NRG3: variants seen among roughly 807,000 people sequenced by gnomAD.
The protein encoded by NRG3 is neuregulin 3.
Under a neutral mutation model 66.9 loss-of-function variants are expected in NRG3, and 31 were observed. The observed-to-expected ratio is 0.46, with a 90% CI of 0.35 to 0.63. NRG3 has a LOEUF of 0.63. Ranked by LOEUF, NRG3 falls within the 20% of genes least tolerant of loss-of-function variation. NRG3 has a pLI of 0.00. For synonymous variants in NRG3, 393 were observed against 359.4 expected, an observed-to-expected ratio of 1.09 and a Z score of -1.06; for missense variants, 910 against 878.9, an observed-to-expected ratio of 1.04 and a Z score of -0.45.
chr10:81,951,105 G>A (rs1218588713), intron 1 of NRG3, among the ~76,000 whole-genome samples: 11 of 152,138 alleles, frequency 7.2e-5, no homozygotes, highest in Non-Finnish European at 1.3e-4. Context: ...TTCATTTGCA[G>A]CCAGTCATGT....
chr10:82,512,110 T>C (rs189592398), intron 2 of NRG3, among the ~76,000 whole-genome samples: 5 of 152,096 alleles, frequency 3.3e-5, no homozygotes, highest in Admixed American at 2.6e-4. Context: ...GTTGCTGATA[T>C]GTGCATGCAA....
chr10:82,761,992 C>G (rs1223623394), intron 3 of NRG3, among the ~76,000 whole-genome samples: 1 of 85,694 alleles, frequency 1.2e-5, no homozygotes, highest in Non-Finnish European at 2.4e-5. Flanking sequence ...TTTCTTCTTT[C>G]TTTTCCTTTC....
At chr10:82,051,478 G>C (rs2063589680) in intron 1 of NRG3, among the ~76,000 whole-genome samples, 1 of 152,106 alleles carries the variant, frequency 6.6e-6, no homozygotes, top group African/African-American at 2.4e-5. Flanking sequence ...CCGAAGTTTG[G>C]ATCCCAGCAC....
intron 1 of NRG3, among the ~76,000 whole-genome samples, chr10:82,278,769 G>T (rs551047966): frequency 6.6e-6 from 1 of 152,060 alleles, no homozygotes; most frequent in Admixed American, 6.6e-5. Context: ...TCTATACATG[G>T]CCTGGAAATT....
At chr10:82,700,420 C>T (rs1417103725) in intron 2 of NRG3, among the ~76,000 whole-genome samples, 2 of 152,102 alleles carry the variant, frequency 1.3e-5, no homozygotes, top group Admixed American at 1.3e-4. Flanking sequence ...AGGGATGTCT[C>T]CAATAGTTGG....
chr10:82,041,768 C>A (rs1401521628), intron 1 of NRG3, among the ~76,000 whole-genome samples: 1 of 151,496 alleles, frequency 6.6e-6, no homozygotes, highest in African/African-American at 2.4e-5. Flanking sequence ...TTCTTTCCTT[C>A]TTTTCTTCCT....
intron 2 of NRG3, among the ~76,000 whole-genome samples, chr10:82,648,810 C>G (rs2051170915): frequency 6.6e-6 from 1 of 152,106 alleles, no homozygotes; most frequent in Non-Finnish European, 1.5e-5. Flanking sequence ...CTCTGTTTGT[C>G]TGTTACTGGT....
At chr10:82,884,825 G>C (rs1387536160) in intron 4 of NRG3, among the ~76,000 whole-genome samples, 1 of 152,264 alleles carries the variant, frequency 6.6e-6, no homozygotes, top group African/African-American at 2.4e-5. Flanking sequence ...TGTTCTTGCT[G>C]TTGCCACTGG....
intron 1 of NRG3, among the ~76,000 whole-genome samples, chr10:81,977,184 G>C (rs555076364): frequency 6.6e-6 from 1 of 152,210 alleles, no homozygotes; most frequent in Non-Finnish European, 1.5e-5. Flanking sequence ...GATTGAATGA[G>C]GTATTGCCTC....
At chr10:82,284,055 A>T (rs915550699) in intron 1 of NRG3, among the ~76,000 whole-genome samples, 1 of 152,222 alleles carries the variant, frequency 6.6e-6, no homozygotes, top group Non-Finnish European at 1.5e-5. Flanking sequence ...TTGTTCCAAT[A>T]CAGACTGCAA....
chr10:82,713,119 CAAAAAAAAAAA>C (rs369968319), intron 2 of NRG3, among the ~76,000 whole-genome samples: 34 of 55,370 alleles, frequency 6.1e-4, no homozygotes, highest in African/African-American at 1.9e-3. Flanking sequence ...GACTTCATCT[CAAAAAAAAAAA>C]AAAAAAAAAA....
chr10:82,479,463 C>A (rs1310975446), intron 2 of NRG3, among the ~76,000 whole-genome samples: 3 of 145,684 alleles, frequency 2.1e-5, no homozygotes, highest in Admixed American at 6.9e-5. Flanking sequence ...CCTTGGGAGA[C>A]AGAGGTGGGC....
At chr10:82,265,881 G>A (rs1025692152) in intron 1 of NRG3, among the ~76,000 whole-genome samples, 6 of 152,126 alleles carry the variant, frequency 3.9e-5, no homozygotes, top group Non-Finnish European at 5.9e-5. Flanking sequence ...GTAACAATTC[G>A]GAGCATGAAT....
chr10:82,392,554 A>G (rs980093071), intron 2 of NRG3, among the ~76,000 whole-genome samples: 2 of 152,312 alleles, frequency 1.3e-5, no homozygotes, highest in African/African-American at 4.8e-5. Context: ...TGCTAAGCAG[A>G]AAATAGGCTA....
intron 2 of NRG3, among the ~76,000 whole-genome samples, chr10:82,597,088 A>G (rs1321138545): frequency 6.6e-6 from 1 of 152,210 alleles, no homozygotes; most frequent in East Asian, 1.9e-4. Flanking sequence ...ACCAATTTTC[A>G]GTATTGAGTT....
At chr10:81,888,000 T>C (rs755764786) in intron 1 of NRG3, among the ~76,000 whole-genome samples, 1 of 152,096 alleles carries the variant, frequency 6.6e-6, no homozygotes, top group Non-Finnish European at 1.5e-5. Flanking sequence ...CTTGAAAAAA[T>C]AAGAGAAAAC....
rs143962718 is a variant in NRG3, at chr10:82,732,710, A to G, written c.954-5867A>G. Among the ~76,000 whole-genome samples, 1,472 of 152,300 alleles carry G rather than the reference A, an allele frequency of 9.7e-3. 19 individuals carry two copies. The highest frequency in any genetic ancestry group is 0.03 in the African/African-American group (1,231 of 41,560). On this transcript the variant is annotated intron_variant, in intron 2 of 8. Coordinates refer to ENST00000372141, the MANE Select transcript of NRG3 (RefSeq NM_001010848.4). Reference sequence around the variant, plus strand: ...CTAATAATAAATCCAGGGGGTGGCTACTGTTATCTGCATTTTACAAATAAA... The same window carrying G: ...CTAATAATAAATCCAGGGGGTGGCTGCTGTTATCTGCATTTTACAAATAAA...
intron 1 of NRG3, among the ~76,000 whole-genome samples, chr10:81,996,636 G>A (rs547839459): frequency 1.3e-4 from 20 of 152,172 alleles, no homozygotes; most frequent in African/African-American, 4.6e-4. Flanking sequence ...TGATAGTGCT[G>A]AATTCATATG....
intron 2 of NRG3, among the ~76,000 whole-genome samples, chr10:82,614,937 G>A (rs942481530): frequency 1.1e-4 from 17 of 150,782 alleles, no homozygotes; most frequent in African/African-American, 3.4e-4. Flanking sequence ...CTTCTTATCC[G>A]GGGACCATGC....
Sources: allele counts gnomAD v4.1 joint callset (sites outside exome capture counted in the v4.1 genomes callset), GRCh38; gene constraint gnomAD v4.1.1; transcripts MANE v1.5; gene names NCBI Gene and HGNC (gene_info 2026-07-23, HGNC 2026-07-21).